KIF1B: variants seen among roughly 807,000 people sequenced by gnomAD.
The protein encoded by KIF1B is kinesin family member 1B.
KIF1B carries 76 observed loss-of-function variants against 241.9 expected under a neutral mutation model. That is an observed-to-expected ratio of 0.31 (90% CI 0.26 to 0.38). The LOEUF (loss-of-function observed/expected upper bound fraction) is 0.38, where lower values mean the gene tolerates loss of function less well. Ranked by LOEUF, KIF1B falls within the 10% of genes least tolerant of loss-of-function variation. The probability of loss-of-function intolerance (pLI) is 1.00; values close to 1 mark genes in which losing one functional copy is unlikely to be tolerated. For synonymous variants in KIF1B, 750 were observed against 796.7 expected, an observed-to-expected ratio of 0.94 and a Z score of 0.99; for missense variants, 1,622 against 2,271.4, an observed-to-expected ratio of 0.71 and a Z score of 5.81.
In KIF1B at chr1:10,232,407, A is replaced by G; in HGVS notation, c.79A>G (p.Ile27Val). Residue 27 changes from isoleucine to valine, a missense_variant, in exon 2 of 49, where the codon ATC becomes GTC. Coordinates refer to ENST00000676179, the MANE Select transcript of KIF1B (RefSeq NM_001365951.3). ...AGAGACCAGCAAGGAATCCAAATGC[A>G]TCATTCAGATGCAAGGCAACTCGAC... ...SRETSKESKC[I>V]IQMQGNSTSI... 3 of 1,613,952 alleles carry G rather than the reference A, an allele frequency of 1.9e-6. No individual in the cohort carries two copies. The highest frequency in any genetic ancestry group is 2.5e-6 in the Non-Finnish European group (3 of 1,179,838).
chr1:10,291,764 T>C (rs189051815), intron 16 of KIF1B, among the ~76,000 whole-genome samples: 1 of 152,070 alleles, frequency 6.6e-6, no homozygotes, highest in Admixed American at 6.5e-5. Flanking sequence ...AATATGCATA[T>C]CATTTATGAA....
chr1:10,357,914 C>T (rs1473252672), intron 38 of KIF1B, among the ~76,000 whole-genome samples: 5 of 151,916 alleles, frequency 3.3e-5, no homozygotes, highest in Non-Finnish European at 4.4e-5. Context: ...GAGGCTGAGG[C>T]AGGAGAATCG....
At chr1:10,250,885 G>A (rs891320352) in intron 2 of KIF1B, among the ~76,000 whole-genome samples, 1 of 152,048 alleles carries the variant, frequency 6.6e-6, no homozygotes, top group African/African-American at 2.4e-5. Flanking sequence ...GCTTGGGGGC[G>A]GGTGCAGTGG....
At chr1:10,269,741 C>T (rs1052248535) in intron 7 of KIF1B, among the ~76,000 whole-genome samples, 10 of 152,148 alleles carry the variant, frequency 6.6e-5, no homozygotes, top group Non-Finnish European at 8.8e-5. Context: ...TCGCTTGAAC[C>T]TGGGAGGCAG....
chr1:10,290,251 C>T (rs965124166), intron 15 of KIF1B, among the ~76,000 whole-genome samples: 1 of 151,794 alleles, frequency 6.6e-6, no homozygotes, highest in South Asian at 2.1e-4. Flanking sequence ...GGTTTGCTGC[C>T]CCTATCAACC....
chr1:10,304,721 A>G lies in KIF1B; in HGVS notation c.2115+7475A>G, dbSNP rs895747940. ...TTAGCTCATGATTTGATTTGGTTCT[A>G]CCTTTGGCCTTGAGTTCTTATTATT... On this transcript the variant is annotated intron_variant, in intron 22 of 48. Coordinates refer to ENST00000676179, the MANE Select transcript of KIF1B (RefSeq NM_001365951.3). 21 of 1,588,420 alleles carry G rather than the reference A, an allele frequency of 1.3e-5. 1 individual carries two copies. Among genetic ancestry groups the G allele is most frequent in the South Asian group, 3.4e-5 (3 of 87,736 alleles).
At chr1:10,268,093 C>A in intron 6 of KIF1B, 59 bp from the exon 7 acceptor site, 1 of 1,052,158 alleles carries the variant, frequency 9.5e-7, no homozygotes, top group Non-Finnish European at 1.5e-6. Flanking sequence ...AGCCTGCTGT[C>A]CATTTCAACT....
In KIF1B at chr1:10,295,197, G is replaced by A. The variant is rs200158748; in HGVS notation, c.1670+32G>A. 1.3e-5 allele frequency: 17 copies of A among 1,280,466 alleles called. No individual in the cohort carries two copies. The East Asian group carries it at 3.5e-4, about 26-fold the overall frequency. 79.3% of individuals were successfully genotyped at this position (1,280,466 alleles called of 1,614,324 possible). A position where few individuals can be genotyped will look rare whatever the true frequency, so the allele number is the denominator to read the frequency against. ...TTATTTCCTGTTTTGGTCACTTCGT[G>A]TGTTTTCCCCCTCTTAGATAATTGA... On this transcript the variant is annotated intron_variant, in intron 18 of 48. Transcript: ENST00000676179.
At position 10,337,592 on chromosome 1, in the gene KIF1B, T is replaced by G; in HGVS notation, c.3422+59T>G. On this transcript the variant is annotated intron_variant, in intron 31 of 48. Transcript: ENST00000676179. This position sits in a 1 kb window ranked among gnomAD's most constrained non-coding sequence, Gnocchi z 4.0. Reference sequence around the variant, plus strand: ...CTGCTAACCGAGGTGACATCTCTTGTGCACTGTAGAGTGCTTTACATGTGT... The same window carrying G: ...CTGCTAACCGAGGTGACATCTCTTGGGCACTGTAGAGTGCTTTACATGTGT... 1 of 1,582,970 alleles carries G rather than the reference T, an allele frequency of 6.3e-7. No individual in the cohort carries two copies.
At chr1:10,339,937 A>G in intron 32 of KIF1B, 78 bp downstream of exon 32, 1 of 1,179,388 alleles carries the variant, frequency 8.5e-7, no homozygotes, top group East Asian at 2.4e-5. Context: ...GGGTGATAAG[A>G]AGAGGTACAA....
chr1:10,344,753 T>C (rs995324279), intron 34 of KIF1B: 1 of 152,210 alleles, frequency 6.6e-6, no homozygotes, highest in African/African-American at 2.4e-5. Context: ...AGCTCCTTTA[T>C]GTACATTATG....
intron 43 of KIF1B, among the ~76,000 whole-genome samples, chr1:10,367,923 T>G (rs780067898): frequency 3.3e-5 from 5 of 152,080 alleles, no homozygotes; most frequent in Admixed American, 6.6e-5. Context: ...GTGATGGGGT[T>G]TCACCATGTT....
At chr1:10,251,705 G>A (rs1381394600) in intron 2 of KIF1B, among the ~76,000 whole-genome samples, 1 of 151,370 alleles carries the variant, frequency 6.6e-6, no homozygotes, top group Admixed American at 6.6e-5. Flanking sequence ...TTGCACTCCA[G>A]CCTGGGCAAC....
intron 2 of KIF1B, among the ~76,000 whole-genome samples, chr1:10,237,318 C>T (rs564116201): frequency 6.6e-5 from 10 of 152,196 alleles, no homozygotes; most frequent in South Asian, 4.1e-4. Context: ...ATGATCTAAC[C>T]GCTTACATTT....
At chr1:10,317,019 C>T (rs1651332502) in intron 22 of KIF1B, among the ~76,000 whole-genome samples, 1 of 151,194 alleles carries the variant, frequency 6.6e-6, no homozygotes. Flanking sequence ...CTCCAGGGAT[C>T]CCAGGGGCTG....
intron 4 of KIF1B, 82 bp downstream of exon 4, chr1:10,258,754 C>T (rs1006793259): frequency 3.7e-5 from 51 of 1,377,842 alleles, no homozygotes; most frequent in East Asian, 1.6e-4. Flanking sequence ...TTTTATTTGG[C>T]GAACATTTAT....
intron 38 of KIF1B, among the ~76,000 whole-genome samples, chr1:10,357,633 T>C (rs1005172927): frequency 3.9e-5 from 6 of 152,124 alleles, no homozygotes; most frequent in African/African-American, 1.4e-4. Flanking sequence ...CTCAGGAGGC[T>C]GAGGTGGGAA....
chr1:10,226,828 C>A (rs190912545), intron 1 of KIF1B, among the ~76,000 whole-genome samples: 3 of 151,590 alleles, frequency 2.0e-5, no homozygotes, highest in African/African-American at 7.3e-5. Flanking sequence ...GCTAGCCAGG[C>A]GTGGTGGCGT....
intron 26 of KIF1B, 92 bp downstream of exon 26, chr1:10,324,987 A>G (rs899945991): frequency 5.9e-5 from 81 of 1,383,474 alleles, no homozygotes; most frequent in South Asian, 1.6e-4. Flanking sequence ...AGTTAAGAGG[A>G]AAAAAAAAGG....
Sources: allele counts gnomAD v4.1 joint callset (sites outside exome capture counted in the v4.1 genomes callset), GRCh38; gene constraint gnomAD v4.1.1; non-coding constraint Gnocchi (gnomAD v3.1); transcripts MANE v1.5; gene names NCBI Gene and HGNC (gene_info 2026-07-23, HGNC 2026-07-21).